CTNNA2: variants seen among roughly 807,000 people sequenced by gnomAD.
CTNNA2 encodes the protein catenin alpha 2.
Under a neutral mutation model 101.0 loss-of-function variants are expected in CTNNA2, and 42 were observed. The observed-to-expected ratio is 0.42, with a 90% CI of 0.32 to 0.54. The LOEUF (loss-of-function observed/expected upper bound fraction) is 0.54. Among genes scored for constraint, CTNNA2 ranks in the 20% least tolerant of loss-of-function variants. The pLI, the probability that CTNNA2 is intolerant of heterozygous loss-of-function variation, is 0.14. For missense variants in CTNNA2, 871 were observed against 1,223.1 expected, an observed-to-expected ratio of 0.71 and a Z score of 4.29; for synonymous variants, 450 against 456.4, an observed-to-expected ratio of 0.99 and a Z score of 0.18.
At chr2:79,753,562 ACTGT>A (rs1408399818) in intron 3 of CTNNA2, among the ~76,000 whole-genome samples, 2 of 152,136 alleles carry the variant, frequency 1.3e-5, no homozygotes, top group African/African-American at 4.8e-5. Flanking sequence ...CACATTGCCC[ACTGT>A]CTGTCTGAGC....
At position 80,302,595 on chromosome 2, in the gene CTNNA2, C is replaced by T. The variant is rs769734369; in HGVS notation, c.1057-90616C>T. 11 of 1,606,506 alleles carry T rather than the reference C, an allele frequency of 6.8e-6. No homozygotes were observed. The African/African-American group carries it at 9.3e-5, about 14-fold the overall frequency. The stretch of plus-strand genomic sequence containing the variant: ...TCGCCGCCTGGAAGAGCCACGGTGG[C>T]AGGCTCGAATGTGCCGTCGTGCTGC... On this transcript the variant is annotated intron_variant, in intron 7 of 18. Coordinates refer to ENST00000402739, the MANE Select transcript of CTNNA2 (RefSeq NM_001282597.3). The surrounding 1 kb of genome is among the most constrained non-coding windows in gnomAD (Gnocchi z 6.4).
At chr2:80,487,703 A>G (rs1686706584) in intron 9 of CTNNA2, among the ~76,000 whole-genome samples, 2 of 152,230 alleles carry the variant, frequency 1.3e-5, no homozygotes, top group Admixed American at 6.5e-5. Context: ...AACCATATCA[A>G]TAGTATAATT....
At chr2:80,033,758 G>T (rs1695459779) in intron 7 of CTNNA2, among the ~76,000 whole-genome samples, 1 of 152,014 alleles carries the variant, frequency 6.6e-6, no homozygotes, top group Non-Finnish European at 1.5e-5. Context: ...AATACATGAA[G>T]AGATCTCTGG....
chr2:80,305,841 C>A (rs552304821), intron 7 of CTNNA2, among the ~76,000 whole-genome samples: 1 of 152,242 alleles, frequency 6.6e-6, no homozygotes, highest in Non-Finnish European at 1.5e-5. Flanking sequence ...AGCCTTCCTT[C>A]TTGACAAAGA....
At chr2:80,643,613 G>T (rs1673724575) in intron 18 of CTNNA2, among the ~76,000 whole-genome samples, 2 of 152,170 alleles carry the variant, frequency 1.3e-5, no homozygotes, top group African/African-American at 4.8e-5. Context: ...TGTAATTCAG[G>T]TCAGCTTGAG....
chr2:79,614,014 C>T (rs1250226254), intron 1 of CTNNA2, among the ~76,000 whole-genome samples: 1 of 152,164 alleles, frequency 6.6e-6, no homozygotes, highest in African/African-American at 2.4e-5. Flanking sequence ...AGTCTGACTC[C>T]ACAGCCTGTG....
intron 2 of CTNNA2, among the ~76,000 whole-genome samples, chr2:79,276,744 C>G (rs1675222091): frequency 6.6e-6 from 1 of 151,922 alleles, no homozygotes; most frequent in East Asian, 1.9e-4. Context: ...TTTTCTCCTC[C>G]TGCCTTAATG....
chr2:80,122,881 G>T (rs2148881104), intron 7 of CTNNA2, among the ~76,000 whole-genome samples: 1 of 152,190 alleles, frequency 6.6e-6, no homozygotes, highest in South Asian at 2.1e-4. Context: ...TTAGTTTCCT[G>T]AGCAGACTGC....
chr2:80,272,658 T>G (rs909535014), intron 7 of CTNNA2, among the ~76,000 whole-genome samples: 2 of 152,170 alleles, frequency 1.3e-5, no homozygotes, highest in Non-Finnish European at 2.9e-5. Flanking sequence ...CAAATAGAGC[T>G]GTCAGAAAAA....
At chr2:79,272,178 G>A (rs1038645683) in intron 2 of CTNNA2, among the ~76,000 whole-genome samples, 10 of 152,060 alleles carry the variant, frequency 6.6e-5, no homozygotes, top group African/African-American at 2.4e-4. Flanking sequence ...ACTTAAGGTA[G>A]ACAACTGACT....
At chr2:80,025,523 A>C (rs1574571941) in intron 7 of CTNNA2, among the ~76,000 whole-genome samples, 1 of 152,226 alleles carries the variant, frequency 6.6e-6, no homozygotes, top group African/African-American at 2.4e-5. Context: ...AAAGTCATGA[A>C]CTAGAGGAAA....
intron 3 of CTNNA2, among the ~76,000 whole-genome samples, chr2:79,339,086 G>A (rs1369026198): frequency 6.6e-6 from 1 of 152,136 alleles, no homozygotes; most frequent in African/African-American, 2.4e-5. Flanking sequence ...ACGTGGAGAA[G>A]TTGCCCAAAG....
At chr2:80,053,192 C>G (rs146436500) in intron 7 of CTNNA2, among the ~76,000 whole-genome samples, 9 of 152,274 alleles carry the variant, frequency 5.9e-5, no homozygotes, top group African/African-American at 1.2e-4. Context: ...TCATCACGTA[C>G]ACTTATTCTA....
chr2:79,751,671 A>G (rs989993942), intron 3 of CTNNA2, among the ~76,000 whole-genome samples: 1 of 151,776 alleles, frequency 6.6e-6, no homozygotes, highest in African/African-American at 2.4e-5. Flanking sequence ...AGGGAAAAGT[A>G]TAGACAACAT....
chr2:79,378,713 A>T (rs1271090226), intron 4 of CTNNA2, among the ~76,000 whole-genome samples: 1 of 152,176 alleles, frequency 6.6e-6, no homozygotes, highest in Non-Finnish European at 1.5e-5. Context: ...CATTTACATG[A>T]GGTGCTTACA....
At chr2:80,413,049 A>T in intron 8 of CTNNA2, among the ~76,000 whole-genome samples, 1 of 152,354 alleles carries the variant, frequency 6.6e-6, no homozygotes. Flanking sequence ...AAGGTTATTC[A>T]TGCAACAAAT....
In CTNNA2 at chr2:80,092,348, A is replaced by G. The variant is rs368023222; in HGVS notation, c.1056+182551A>G. On this transcript the variant is annotated intron_variant, in intron 7 of 18. Coordinates refer to ENST00000402739, the MANE Select transcript of CTNNA2 (RefSeq NM_001282597.3). ...CTCCCTTTGTAGTGAATAGCAAGTA[A>G]AAACAATGTTCTAAATTCAGTAGAA... 3.5e-4 allele frequency among the ~76,000 whole-genome samples: 54 copies of G among 152,286 alleles called. No individual in the cohort carries two copies. The South Asian group carries it at 0.011, about 32-fold the overall frequency.
At chr2:79,278,855 G>C (rs1227537117) in intron 2 of CTNNA2, among the ~76,000 whole-genome samples, 1 of 152,140 alleles carries the variant, frequency 6.6e-6, no homozygotes, top group Non-Finnish European at 1.5e-5. Flanking sequence ...GCTGTGGCTG[G>C]AATAGAGGAT....
chr2:80,466,762 C>G lies in CTNNA2; in HGVS notation c.1290+47161C>G, dbSNP rs369301402. Among the ~76,000 whole-genome samples the G allele has an allele frequency of 5.1e-4, 78 of 152,168 alleles. 2 individuals are homozygous for G. In the South Asian group the frequency reaches 0.016, roughly 32 times the overall value. ...TGTTTCATGCTATCTTGCTTAGGCCCCAACAGGATTTCCATCAAAGAGTTC... is the reference window on the plus strand; with the variant it reads ...TGTTTCATGCTATCTTGCTTAGGCCGCAACAGGATTTCCATCAAAGAGTTC... On this transcript the variant is annotated intron_variant, in intron 9 of 18. Transcript: ENST00000402739.
Sources: gnomAD v4.1 joint callset for allele counts (sites outside exome capture counted in the v4.1 genomes callset) on GRCh38, gnomAD v4.1.1 for gene constraint, Gnocchi (gnomAD v3.1) non-coding constraint, MANE v1.5 for transcripts, NCBI Gene and HGNC (gene_info 2026-07-23, HGNC 2026-07-21) for gene names.